The following ATP1B3 variants were observed in gnomAD, a reference collection of about 807,000 sequenced individuals.
ATP1B3 encodes ATPase Na+/K+ transporting subunit beta 3.
Under a neutral mutation model 30.2 loss-of-function variants are expected in ATP1B3, and 10 were observed. The ratio of observed to expected loss-of-function variants is 0.33; its 90% confidence interval spans 0.20 to 0.56. ATP1B3 has a LOEUF of 0.56. ATP1B3 is among the 20% of genes least tolerant of loss of function. The pLI is 0.90. For missense variants in ATP1B3, 238 were observed against 336.7 expected, an observed-to-expected ratio of 0.71 and a Z score of 2.29; for synonymous variants, 113 against 117.0, an observed-to-expected ratio of 0.97 and a Z score of 0.22.
chr3:141,902,293 C>G, intron 1 of ATP1B3: 1 of 1,152,336 alleles, frequency 8.7e-7, no homozygotes, highest in Non-Finnish European at 1.2e-6. Flanking sequence ...AACTATTTCC[C>G]CTTTACTTGA....
At chr3:141,895,033 A>G (rs1010027618) in intron 1 of ATP1B3, among the ~76,000 whole-genome samples, 2 of 151,914 alleles carry the variant, frequency 1.3e-5, no homozygotes, top group Admixed American at 6.6e-5. Context: ...TATGATCTTA[A>G]TGGGACTATT....
At chr3:141,906,267 T>G (rs1421535858) in intron 2 of ATP1B3, among the ~76,000 whole-genome samples, 2 of 151,734 alleles carry the variant, frequency 1.3e-5, no homozygotes, top group Admixed American at 1.3e-4. Flanking sequence ...GCAACCTCTG[T>G]CTCCCAGGTT....
chr3:141,893,819 G>A (rs1268549089), intron 1 of ATP1B3, among the ~76,000 whole-genome samples: 1 of 152,072 alleles, frequency 6.6e-6, no homozygotes, highest in African/African-American at 2.4e-5. Context: ...CAGGCTCCAA[G>A]CAAAAATCTG....
At chr3:141,922,477 AC>A (rs1354681258) in intron 6 of ATP1B3, among the ~76,000 whole-genome samples, 2 of 151,222 alleles carry the variant, frequency 1.3e-5, no homozygotes, top group Non-Finnish European at 2.9e-5. Context: ...ACTTGGCGAA[AC>A]CCCCTCTCTA....
At chr3:141,901,206 T>A (rs1229525714) in intron 1 of ATP1B3, among the ~76,000 whole-genome samples, 2 of 152,188 alleles carry the variant, frequency 1.3e-5, no homozygotes, top group African/African-American at 2.4e-5. Context: ...TTACATCAAG[T>A]AGCACTGAGG....
chr3:141,877,654 C>T (rs534804521), intron 1 of ATP1B3: 1 of 150,128 alleles, frequency 6.7e-6, no homozygotes, highest in East Asian at 1.9e-4. Context: ...CTGAACAACA[C>T]AGGTTTTTTT....
At chr3:141,907,928 G>A (rs781226214) in intron 3 of ATP1B3, among the ~76,000 whole-genome samples, 1 of 151,738 alleles carries the variant, frequency 6.6e-6, no homozygotes, top group Non-Finnish European at 1.5e-5. Context: ...TTATGAAATA[G>A]TGTCTCTGAG....
Position 141,876,727 on chromosome 3 carries a change from C to G in ATP1B3, c.-75C>G. The G allele has an allele frequency of 8.5e-7, 1 of 1,174,892 alleles. No homozygotes were observed. The highest frequency in any genetic ancestry group is 1.2e-6 in the Non-Finnish European group (1 of 818,828). The allele number at this position is 1,174,892 out of a possible 1,614,324, so 72.8% of individuals were successfully genotyped here. A position where few individuals can be genotyped will look rare whatever the true frequency, so the allele number is the denominator to read the frequency against. ...CCGTCTCCGGGCTGCGCCGCCGGAG[C>G]CGGGACGCGCCTCCGCAGCCCTCGC... On this transcript the variant is annotated 5_prime_UTR_variant, in exon 1 of 7. Coordinates refer to ENST00000286371, the MANE Select transcript of ATP1B3 (RefSeq NM_001679.4).
chr3:141,889,723 C>T (rs1455517626), intron 1 of ATP1B3, among the ~76,000 whole-genome samples: 16 of 104,210 alleles, frequency 1.5e-4, no homozygotes, highest in East Asian at 3.1e-4. Flanking sequence ...AGCGAGACTC[C>T]GTCTCAAAAA....
At chr3:141,887,865 GA>G (rs780660114) in intron 1 of ATP1B3, among the ~76,000 whole-genome samples, 2 of 151,282 alleles carry the variant, frequency 1.3e-5, no homozygotes, top group African/African-American at 2.4e-5. Flanking sequence ...ACCTATGCTG[GA>G]AAAAAAAACC....
At chr3:141,889,451 TG>T (rs1319237926) in intron 1 of ATP1B3, among the ~76,000 whole-genome samples, 2 of 151,920 alleles carry the variant, frequency 1.3e-5, no homozygotes, top group African/African-American at 4.8e-5. Flanking sequence ...TTGTTCTGAG[TG>T]GGCACAATAG....
chr3:141,879,482 A>AT (rs1483315467), intron 1 of ATP1B3, among the ~76,000 whole-genome samples: 3 of 151,914 alleles, frequency 2.0e-5, no homozygotes, highest in Non-Finnish European at 4.4e-5. Context: ...AAAACCTTAC[A>AT]TTTTTGGGGC....
At chr3:141,893,964 T>C (rs561340603) in intron 1 of ATP1B3, among the ~76,000 whole-genome samples, 7 of 152,332 alleles carry the variant, frequency 4.6e-5, no homozygotes, top group African/African-American at 1.2e-4. Flanking sequence ...TCTAGACATA[T>C]AGGCCATATG....
Position 141,922,070 on chromosome 3 carries a change from AT to A in ATP1B3, c.669+9del, listed in dbSNP as rs1394161037. 1.4e-6 allele frequency: 2 copies of A among 1,473,034 alleles called. No individual in the cohort carries two copies. The highest frequency in any genetic ancestry group is 3.9e-5 in the Admixed American group (2 of 51,692). The allele number at this position is 1,473,034 out of a possible 1,614,324, so 91.2% of individuals were successfully genotyped here. A position where few individuals can be genotyped will look rare whatever the true frequency, so the allele number is the denominator to read the frequency against. On this transcript the variant is annotated splice_region_variant and intron_variant, in intron 6 of 6. Coordinates refer to ENST00000286371, the MANE Select transcript of ATP1B3 (RefSeq NM_001679.4). Reference sequence around the variant, plus strand: ...TTATGGGAAAAAACTGCATGTAAGTATTGAGAAGTTCTTATGTGGTGATTAC... The same window carrying A: ...TTATGGGAAAAAACTGCATGTAAGTATGAGAAGTTCTTATGTGGTGATTAC...
chr3:141,885,444 CTTT>C (rs1301231059), intron 1 of ATP1B3, among the ~76,000 whole-genome samples: 1 of 145,386 alleles, frequency 6.9e-6, no homozygotes, highest in African/African-American at 2.8e-5. Context: ...CTTTTCTTTT[CTTT>C]TTTTCTTTTT....
At chr3:141,879,777 T>TCAAAAAAAAAAAAAAAAAA (rs780164779) in intron 1 of ATP1B3, among the ~76,000 whole-genome samples, 3 of 58,836 alleles carry the variant, frequency 5.1e-5, no homozygotes, top group Non-Finnish European at 1.0e-4. Context: ...AGTCTCCATC[T>TCAAAAAAAAAAAAAAAAAA]CAAAAAAAAA....
At chr3:141,919,714 G>A (rs1271689370) in intron 5 of ATP1B3, among the ~76,000 whole-genome samples, 3 of 152,074 alleles carry the variant, frequency 2.0e-5, no homozygotes, top group Middle Eastern at 3.2e-3. Flanking sequence ...CAAGGTAGGC[G>A]GATCACCAGA....
chr3:141,889,756 T>TATACACACACAC, intron 1 of ATP1B3, among the ~76,000 whole-genome samples: 1 of 84,042 alleles, frequency 1.2e-5, no homozygotes, highest in East Asian at 3.9e-4. Flanking sequence ...AAAAAATATA[T>TATACACACACAC]ACACACACAC....
chr3:141,900,163 GCTT>G (rs1934135061), intron 1 of ATP1B3, among the ~76,000 whole-genome samples: 1 of 152,060 alleles, frequency 6.6e-6, no homozygotes, highest in South Asian at 2.1e-4. Context: ...TCCCTAGATA[GCTT>G]CAAGATGGAG....
Sources: allele counts gnomAD v4.1 joint callset (sites outside exome capture counted in the v4.1 genomes callset), GRCh38; gene constraint gnomAD v4.1.1; transcripts MANE v1.5; gene names NCBI Gene and HGNC (gene_info 2026-07-23, HGNC 2026-07-21).